The following FSTL5 variants were observed in gnomAD, a reference collection of about 807,000 sequenced individuals.
FSTL5 encodes the protein follistatin like 5, also known as follistatin-related protein 5.
A neutral mutation model predicts 89.1 loss-of-function variants in FSTL5; 62 were observed. That is an observed-to-expected ratio of 0.70 (90% CI 0.57 to 0.86). The LOEUF (loss-of-function observed/expected upper bound fraction) is 0.86. Among genes scored for constraint, FSTL5 ranks in the 40% least tolerant of loss-of-function variants. The pLI is 0.00. For missense variants in FSTL5, 1,057 were observed against 1,001.6 expected (o/e 1.06, Z -0.75); for synonymous variants, 383 against 346.2 (o/e 1.11, Z -1.18).
intron 15 of FSTL5, among the ~76,000 whole-genome samples, chr4:161,410,538 A>C (rs532607557): frequency 1.3e-5 from 2 of 152,348 alleles, no homozygotes; most frequent in South Asian, 4.1e-4. Flanking sequence ...CTTGGACCAC[A>C]GTGAAATGAA....
chr4:161,820,452 T>G (rs1730455102), intron 4 of FSTL5, among the ~76,000 whole-genome samples: 1 of 152,224 alleles, frequency 6.6e-6, no homozygotes, highest in Non-Finnish European at 1.5e-5. Flanking sequence ...TAATTTTAAT[T>G]GAAAAATATG....
At position 161,608,097 on chromosome 4, in the gene FSTL5, G is replaced by T. The variant is rs573275394; in HGVS notation, c.895-20522C>A. On this transcript the variant is annotated intron_variant, in intron 7 of 15. Coordinates refer to ENST00000306100, the MANE Select transcript of FSTL5 (RefSeq NM_020116.5). ...TTTCTAAGCTTCAATTTCCAAATATGCCCAATGGGAATTAAAACATCTGCT... is the reference window on the plus strand; with the variant it reads ...TTTCTAAGCTTCAATTTCCAAATATTCCCAATGGGAATTAAAACATCTGCT... Among the ~76,000 whole-genome samples, 5 of 152,188 alleles carry T rather than the reference G, an allele frequency of 3.3e-5. No homozygotes were observed. In the South Asian group the frequency reaches 1.0e-3, roughly 32 times the overall value.
At chr4:161,626,527 G>A (rs903068456) in intron 7 of FSTL5, among the ~76,000 whole-genome samples, 10 of 152,114 alleles carry the variant, frequency 6.6e-5, no homozygotes, top group African/African-American at 1.2e-4. Flanking sequence ...CATTGACAAC[G>A]CACCTAGTCA....
At chr4:161,882,713 CAT>C (rs1732671851) in intron 4 of FSTL5, among the ~76,000 whole-genome samples, 1 of 151,904 alleles carries the variant, frequency 6.6e-6, no homozygotes, top group Non-Finnish European at 1.5e-5. Flanking sequence ...AGTTTTAAAA[CAT>C]ATTTTATCTG....
chr4:162,058,764 G>C (rs1045385568), intron 2 of FSTL5, among the ~76,000 whole-genome samples: 1 of 151,944 alleles, frequency 6.6e-6, no homozygotes, highest in African/African-American at 2.4e-5. Context: ...TTTTATGGTT[G>C]ACATGCAATT....
At chr4:161,429,160 G>A (rs145337854) in intron 15 of FSTL5, among the ~76,000 whole-genome samples, 50 of 152,124 alleles carry the variant, frequency 3.3e-4, no homozygotes, top group African/African-American at 1.1e-3. Flanking sequence ...GCTTTTTTGT[G>A]TGTGTGTGTG....
At chr4:162,051,161 C>G (rs1393086198) in intron 2 of FSTL5, among the ~76,000 whole-genome samples, 1 of 151,118 alleles carries the variant, frequency 6.6e-6, no homozygotes, top group Non-Finnish European at 1.5e-5. Context: ...TGTATCAATA[C>G]TAAAATCTCA....
At chr4:161,764,807 A>G (rs1740934384) in intron 5 of FSTL5, among the ~76,000 whole-genome samples, 1 of 152,186 alleles carries the variant, frequency 6.6e-6, no homozygotes, top group African/African-American at 2.4e-5. Flanking sequence ...ATGCATCTTG[A>G]CCATCTAAAG....
At chr4:161,918,280 T>C (rs1469442847) in intron 4 of FSTL5, among the ~76,000 whole-genome samples, 3 of 152,142 alleles carry the variant, frequency 2.0e-5, no homozygotes. Flanking sequence ...AGTAATTTTA[T>C]GAGTTAGTTG....
At chr4:161,755,171 G>T (rs903230733) in intron 6 of FSTL5, among the ~76,000 whole-genome samples, 11 of 151,714 alleles carry the variant, frequency 7.3e-5, no homozygotes, top group Non-Finnish European at 1.2e-4. Flanking sequence ...AATACTTGAA[G>T]CACACAATAA....
At chr4:161,952,211 TTC>T (rs1042999202) in intron 3 of FSTL5, among the ~76,000 whole-genome samples, 13 of 152,040 alleles carry the variant, frequency 8.6e-5, no homozygotes, top group African/African-American at 3.1e-4. Flanking sequence ...AGCTGCTCTC[TTC>T]TCTCTCTTTT....
intron 3 of FSTL5, among the ~76,000 whole-genome samples, chr4:161,937,623 G>T (rs1186677530): frequency 6.6e-6 from 1 of 152,284 alleles, no homozygotes; most frequent in South Asian, 2.1e-4. Context: ...AGGCCATAAA[G>T]CAGTATACAA....
At chr4:161,928,109 C>G (rs1294362524) in intron 3 of FSTL5, among the ~76,000 whole-genome samples, 1 of 151,826 alleles carries the variant, frequency 6.6e-6, no homozygotes. Context: ...TTTAATGGCT[C>G]TATAATAGTT....
chr4:161,895,408 T>C (rs1440603), intron 4 of FSTL5, among the ~76,000 whole-genome samples: 132,594 of 152,136 alleles, frequency 0.87, 58,553 homozygotes, highest in East Asian at 0.98. Context: ...CTCAATTACA[T>C]TGCAAGACTT....
intron 7 of FSTL5, among the ~76,000 whole-genome samples, chr4:161,610,783 T>A (rs1202137549): frequency 5.7e-5 from 1 of 17,470 alleles, no homozygotes; most frequent in African/African-American, 3.5e-4. Flanking sequence ...CCTCTATAAT[T>A]TTTTTTTATA....
intron 4 of FSTL5, among the ~76,000 whole-genome samples, chr4:161,845,559 G>A (rs938189189): frequency 6.6e-6 from 1 of 152,150 alleles, no homozygotes; most frequent in Non-Finnish European, 1.5e-5. Flanking sequence ...TATAACCTCT[G>A]AATACATTGG....
intron 13 of FSTL5, among the ~76,000 whole-genome samples, chr4:161,463,798 T>A (rs1430253487): frequency 6.6e-6 from 1 of 152,106 alleles, no homozygotes; most frequent in Non-Finnish European, 1.5e-5. Context: ...TTACAAAGAG[T>A]CTGTCATCCT....
chr4:161,599,695 A>T (rs1470257017), intron 7 of FSTL5, among the ~76,000 whole-genome samples: 2 of 152,112 alleles, frequency 1.3e-5, no homozygotes, highest in Non-Finnish European at 2.9e-5. Context: ...CTTTCCAAAG[A>T]TCTGATAGCA....
At chr4:162,090,996 T>C (rs1234000655) in intron 2 of FSTL5, among the ~76,000 whole-genome samples, 1 of 152,160 alleles carries the variant, frequency 6.6e-6, no homozygotes, top group Non-Finnish European at 1.5e-5. Context: ...TTAAACTGAG[T>C]CACTGCCTCT....
Sources: allele counts gnomAD v4.1 joint callset (sites outside exome capture counted in the v4.1 genomes callset), GRCh38; gene constraint gnomAD v4.1.1; transcripts MANE v1.5; gene names NCBI Gene and HGNC (gene_info 2026-07-23, HGNC 2026-07-21).